The following TEX15 variants were observed in gnomAD, a reference collection of about 807,000 sequenced individuals.
The protein encoded by TEX15 is testis expressed 15, meiosis and synapsis associated, also known as testis-expressed protein 15.
In TEX15, 171 loss-of-function variants were observed where a neutral mutation model predicts 237.3. The observed-to-expected ratio is 0.72, with a 90% CI of 0.64 to 0.82. The LOEUF (loss-of-function observed/expected upper bound fraction) is 0.82. Among genes scored for constraint, TEX15 ranks in the 40% least tolerant of loss-of-function variants. The pLI is 0.00. For missense variants in TEX15, 3,750 were observed against 3,646.5 expected (o/e 1.03, Z -0.73); for synonymous variants, 1,338 against 1,269.8 (o/e 1.05, Z -1.14).
chr8:30,900,060 C>T (rs1303827705), intron 1 of TEX15, among the ~76,000 whole-genome samples: 2 of 151,722 alleles, frequency 1.3e-5, no homozygotes, highest in African/African-American at 2.4e-5. Flanking sequence ...TTCTTTTCTC[C>T]AAGTTAAGCA....
At position 30,848,485 on chromosome 8, in the gene TEX15, G is replaced by A. The variant is rs1227318301; in HGVS notation, c.1682C>T (p.Ala561Val). ...VENQNHSEEK[A>V]QRAQQESGNA... ...ACCGGACTCCTGTTGGGCTCTCTGAGCCTTCTCCTCACTGTGGTTTTGGTT... is the reference window on the plus strand; with the variant it reads ...ACCGGACTCCTGTTGGGCTCTCTGAACCTTCTCCTCACTGTGGTTTTGGTT... Residue 561 changes from alanine to valine, a missense_variant, in exon 8 of 11, where the codon GCT (alanine) becomes GTT (valine). Ala to Val is a moderately conservative substitution (Grantham distance 64). Transcript: ENST00000643185. 1.9e-6 allele frequency: 3 copies of A among 1,614,098 alleles called. No individual in the cohort carries two copies. The highest frequency in any genetic ancestry group is 2.5e-6 in the Non-Finnish European group (3 of 1,179,998).
At chr8:30,903,975 C>A (rs757323180) in intron 1 of TEX15, among the ~76,000 whole-genome samples, 44 of 152,078 alleles carry the variant, frequency 2.9e-4, no homozygotes, top group Non-Finnish European at 6.2e-4. Context: ...AAATTATATG[C>A]AAAAGAAGTT....
chr8:30,890,594 C>G lies in TEX15; in HGVS notation c.-9-3283G>C, dbSNP rs1425390794. 2.6e-5 allele frequency: 4 copies of G among 152,240 alleles called. 1 individual carries two copies. In the East Asian group the frequency reaches 7.7e-4, roughly 29 times the overall value. The allele number at this position is 152,240 out of a possible 1,614,324, so 9.4% of individuals were successfully genotyped here. A position where few individuals can be genotyped will look rare whatever the true frequency, so the allele number is the denominator to read the frequency against. On this transcript the variant is annotated intron_variant, in intron 2 of 10. Coordinates refer to ENST00000643185, the MANE Select transcript of TEX15 (RefSeq NM_001350162.2). ...CATTTGCGGTTCATGACTCACGTGG[C>G]CTCTCTCTGTTTAACTCTTGACCAC...
At chr8:30,911,201 C>T (rs1163084819) in intron 1 of TEX15, among the ~76,000 whole-genome samples, 1 of 152,198 alleles carries the variant, frequency 6.6e-6, no homozygotes, top group Admixed American at 6.5e-5. Context: ...CTCACTGCAG[C>T]CTCAAACTCC....
intron 2 of TEX15, among the ~76,000 whole-genome samples, chr8:30,890,787 A>G (rs1199452253): frequency 6.6e-6 from 1 of 152,146 alleles, no homozygotes; most frequent in Non-Finnish European, 1.5e-5. Flanking sequence ...CATCAAACCT[A>G]ACCTTTGAAA....
intron 3 of TEX15, among the ~76,000 whole-genome samples, chr8:30,876,154 T>A (rs1257499721): frequency 6.6e-6 from 1 of 152,204 alleles, no homozygotes; most frequent in Non-Finnish European, 1.5e-5. Flanking sequence ...ATCTGCATTA[T>A]GTAGATTCTT....
chr8:30,902,167 A>C (rs1303125828), intron 1 of TEX15, among the ~76,000 whole-genome samples: 1 of 151,982 alleles, frequency 6.6e-6, no homozygotes, highest in African/African-American at 2.4e-5. Flanking sequence ...CTGGTCTAAG[A>C]TAATTCTGAG....
At chr8:30,896,293 A>G (rs555726245) in intron 2 of TEX15, among the ~76,000 whole-genome samples, 6 of 152,352 alleles carry the variant, frequency 3.9e-5, no homozygotes, top group African/African-American at 1.4e-4. Context: ...TAGTTTTATC[A>G]CGCTTTTAAT....
intron 1 of TEX15, among the ~76,000 whole-genome samples, chr8:30,912,079 C>T (rs770445869): frequency 5.3e-5 from 8 of 152,218 alleles, no homozygotes; most frequent in South Asian, 2.1e-4. Context: ...CTCCTGCAGT[C>T]GGGGGACGCT....
chr8:30,895,917 G>C (rs1425680909), intron 2 of TEX15, among the ~76,000 whole-genome samples: 2 of 151,992 alleles, frequency 1.3e-5, no homozygotes, highest in African/African-American at 2.4e-5. Flanking sequence ...CTGACCTCGT[G>C]ATCCATCCAC....
At position 30,837,648 on chromosome 8, in the gene TEX15, A is replaced by G. The variant is rs200334334; in HGVS notation, c.8636T>C (p.Ile2879Thr). 9.3e-6 allele frequency: 15 copies of G among 1,614,118 alleles called. No homozygotes were observed. The highest frequency in any genetic ancestry group is 1.3e-5 in the African/African-American group (1 of 75,052). The stretch of plus-strand genomic sequence containing the variant: ...AAGAGAAACATCAGTTTCTGGGTTT[A>G]TATCAGAAAGGCAGGATTTTTGGGT... ...DPTQKSCLSD[I>T]NPETDVSLVP... The change falls in exon 10 of 11, where the codon ATA (isoleucine) becomes ACA (threonine). Residue 2879 changes from isoleucine (I) to threonine (T), a missense_variant. By Grantham distance (89) the Ile-to-Thr change is moderately conservative. Coordinates refer to ENST00000643185, the MANE Select transcript of TEX15 (RefSeq NM_001350162.2).
At chr8:30,867,851 A>G (rs963069065) in intron 4 of TEX15, among the ~76,000 whole-genome samples, 8 of 152,066 alleles carry the variant, frequency 5.3e-5, no homozygotes, top group African/African-American at 1.2e-4. Context: ...TGCTATCGAC[A>G]TTTTTAAAAT....
At chr8:30,864,087 T>C (rs1808107464) in intron 5 of TEX15, among the ~76,000 whole-genome samples, 1 of 151,726 alleles carries the variant, frequency 6.6e-6, no homozygotes, top group Admixed American at 6.6e-5. Flanking sequence ...AAACAATGTA[T>C]GAACAAAATG....
chr8:30,846,011 G>T lies in TEX15; in HGVS notation c.4156C>A (p.His1386Asn). 6.2e-7 allele frequency: 1 copy of T among 1,612,720 alleles called. No individual in the cohort carries two copies. Among genetic ancestry groups the T allele is most frequent in the Non-Finnish European group, 8.5e-7 (1 of 1,179,436 alleles). ...LSRKLDKAVV[H>N]LKKAHRRVHT... ...ACTCTTCTATGAGCTTTTTTTAAGT[G>T]AACAACTGCTTTGTCTAGTTTTCTG... The change falls in exon 8 of 11, where the codon CAC (histidine) becomes AAC (asparagine). Residue 1386 changes from histidine to asparagine, a missense_variant. By Grantham distance (68) the His-to-Asn change is moderately conservative (BLOSUM62 1). Transcript: ENST00000643185.
intron 2 of TEX15, among the ~76,000 whole-genome samples, chr8:30,890,187 G>A (rs1176989001): frequency 1.3e-5 from 2 of 150,928 alleles, no homozygotes; most frequent in Non-Finnish European, 3.0e-5. Context: ...AAGAACAAAG[G>A]AACCAAAAAC....
chr8:30,910,819 T>A (rs1809200877), intron 1 of TEX15, among the ~76,000 whole-genome samples: 1 of 151,886 alleles, frequency 6.6e-6, no homozygotes, highest in Non-Finnish European at 1.5e-5. Context: ...AATTTTGACA[T>A]CTTTATGATT....
At chr8:30,878,885 A>G (rs1390826186) in intron 3 of TEX15, among the ~76,000 whole-genome samples, 2 of 152,132 alleles carry the variant, frequency 1.3e-5, no homozygotes, top group Non-Finnish European at 2.9e-5. Flanking sequence ...GCTATCTTAC[A>G]TTCCCTAATG....
chr8:30,863,599 C>T (rs142644268), intron 5 of TEX15, among the ~76,000 whole-genome samples: 2 of 152,070 alleles, frequency 1.3e-5, no homozygotes, highest in East Asian at 3.9e-4. Context: ...GAAATGACAC[C>T]CAGGGGATTA....
At chr8:30,883,145 C>G (rs1461359183) in intron 3 of TEX15, among the ~76,000 whole-genome samples, 2 of 152,012 alleles carry the variant, frequency 1.3e-5, no homozygotes, top group Admixed American at 6.6e-5. Flanking sequence ...GGGTCTCACT[C>G]TGTCATCCAG....
Sources: allele counts gnomAD v4.1 joint callset (sites outside exome capture counted in the v4.1 genomes callset), GRCh38; gene constraint gnomAD v4.1.1; transcripts MANE v1.5; gene names NCBI Gene and HGNC (gene_info 2026-07-23, HGNC 2026-07-21).